The following POFUT2 variants were observed in gnomAD, a reference collection of about 807,000 sequenced individuals.
The protein encoded by POFUT2 is protein O-fucosyltransferase 2, also known as GDP-fucose protein O-fucosyltransferase 2.
POFUT2 carries 30 observed loss-of-function variants against 55.0 expected under a neutral mutation model. That is an observed-to-expected ratio of 0.55 (90% CI 0.41 to 0.74). The LOEUF is 0.74. Among genes scored for constraint, POFUT2 ranks in the 30% least tolerant of loss-of-function variants. The pLI is 0.00. For missense variants in POFUT2, 524 were observed against 562.6 expected (o/e 0.93, Z 0.69); for synonymous variants, 267 against 231.1 (o/e 1.16, Z -1.41).
intron 8 of POFUT2, chr21:45,266,520 A>G: frequency 9.2e-7 from 1 of 1,084,612 alleles, no homozygotes; most frequent in Non-Finnish European, 1.1e-6. Flanking sequence ...GGCTGCGGAG[A>G]CAGCACCGCC....
intron 3 of POFUT2, among the ~76,000 whole-genome samples, chr21:45,283,090 A>G (rs910611672): frequency 1.3e-5 from 2 of 150,992 alleles, no homozygotes; most frequent in African/African-American, 4.9e-5. Context: ...AAGCGCTACC[A>G]CCACAAGGGC....
intron 6 of POFUT2, among the ~76,000 whole-genome samples, chr21:45,274,756 A>G (rs918719292): frequency 2.8e-4 from 43 of 152,190 alleles, no homozygotes; most frequent in Admixed American, 2.0e-4. Context: ...GGCAGCCCAC[A>G]TGTAGAAGAA....
At position 45,267,280 on chromosome 21, in the gene POFUT2, AG is replaced by A. The variant is rs1226343625; in HGVS notation, c.1136+309del. 6.9e-7 allele frequency: 1 copy of A among 1,445,534 alleles called. No homozygotes were observed. The highest frequency in any genetic ancestry group is 9.0e-7 in the Non-Finnish European group (1 of 1,105,632). 89.5% of individuals were successfully genotyped at this position (1,445,534 alleles called of 1,614,324 possible). On this transcript the variant is annotated intron_variant, in intron 8 of 8. Coordinates refer to ENST00000349485, the MANE Select transcript of POFUT2 (RefSeq NM_133635.6). This position sits in a 1 kb window ranked among gnomAD's most constrained non-coding sequence, Gnocchi z 4.4. ...GCAACTCTCAGGGCAGGGGGCAGAC[AG>A]GGGCAGAAACCGGGAATGATGGGAA...
chr21:45,266,113 T>C, intron 8 of POFUT2: 1 of 1,357,094 alleles, frequency 7.4e-7, no homozygotes, highest in African/African-American at 1.5e-5. Context: ...ACACGCTGTA[T>C]GGGCTGGTGG....
rs767430817 is a variant in POFUT2, at chr21:45,265,506, G to T, written c.1266C>A (p.Pro422=). The T allele has an allele frequency of 2.5e-6, 4 of 1,613,744 alleles. No homozygotes were observed. In the East Asian group the frequency reaches 8.9e-5, roughly 36 times the overall value. The part of the protein sequence containing the change: ...CGDQEKACEQ[P]THWKITY Reference sequence around the variant, plus strand: ...CTCAGTAGGTGATCTTCCAGTGGGTGGGTTGCTCACACGCCTTCTCTTGGT... The same window carrying T: ...CTCAGTAGGTGATCTTCCAGTGGGTTGGTTGCTCACACGCCTTCTCTTGGT... Residue 422 remains proline (P), a synonymous_variant, in exon 9 of 9, where the codon CCC becomes CCA. Transcript: ENST00000349485. This position sits in a 1 kb window ranked among gnomAD's most constrained non-coding sequence, Gnocchi z 4.6.
intron 4 of POFUT2, among the ~76,000 whole-genome samples, chr21:45,280,438 C>T (rs112272400): frequency 0.019 from 2,945 of 152,274 alleles, 94 homozygotes; most frequent in African/African-American, 0.067. Flanking sequence ...AGGCTATGAA[C>T]GTTCCTGGGC....
intron 6 of POFUT2, among the ~76,000 whole-genome samples, chr21:45,271,777 G>T (rs1290469260): frequency 6.6e-6 from 1 of 152,158 alleles, no homozygotes. Flanking sequence ...TATCAGCCAA[G>T]AATTTTATAT....
Position 45,277,470 on chromosome 21 carries a change from A to G in POFUT2, c.706-328T>C, listed in dbSNP as rs1365605727. 10 of 343,524 alleles carry G rather than the reference A, an allele frequency of 2.9e-5. No homozygotes were observed. Among genetic ancestry groups the G allele is most frequent in the Admixed American group, 4.5e-5 (1 of 22,280 alleles). 21.3% of individuals were successfully genotyped at this position (343,524 alleles called of 1,614,324 possible). On this transcript the variant is annotated intron_variant, in intron 5 of 8. Coordinates refer to ENST00000349485, the MANE Select transcript of POFUT2 (RefSeq NM_133635.6). This position sits in a 1 kb window ranked among gnomAD's most constrained non-coding sequence, Gnocchi z 6.9. ...AGCTCCTTCCCCTCAGTCTCTCCCC[A>G]ACTCGACTTCTAGCTTAGGCGGTTA...
intron 1 of POFUT2, among the ~76,000 whole-genome samples, 165 bp from the exon 2 acceptor site, chr21:45,286,093 C>G (rs191821660): frequency 1.1e-4 from 17 of 152,272 alleles, no homozygotes; most frequent in African/African-American, 3.4e-4. Flanking sequence ...CAGTTACTTA[C>G]GGAGCCTGTA....
rs1465129077 is a variant in POFUT2, at chr21:45,285,010, A to G, written c.382+668T>C. 6.6e-6 allele frequency among the ~76,000 whole-genome samples: 1 copy of G among 152,198 alleles called. No individual in the cohort carries two copies. Among genetic ancestry groups the G allele is most frequent in the Non-Finnish European group, 1.5e-5 (1 of 68,032 alleles). ...TGACACGGGAGCCACACTCCTTGGC[A>G]GGGAGCAAAGGTCTCTAAGCCCCGA... On this transcript the variant is annotated intron_variant, in intron 2 of 8. Coordinates refer to ENST00000349485, the MANE Select transcript of POFUT2 (RefSeq NM_133635.6). This position sits in a 1 kb window ranked among gnomAD's most constrained non-coding sequence, Gnocchi z 4.9.
chr21:45,266,241 C>G (rs752434085), intron 8 of POFUT2: 1 of 1,367,638 alleles, frequency 7.3e-7, no homozygotes, highest in Non-Finnish European at 9.8e-7. Context: ...CGTGAACAAG[C>G]AAACCCCAGA....
chr21:45,271,688 T>A (rs1017903737), intron 6 of POFUT2, among the ~76,000 whole-genome samples: 6 of 152,250 alleles, frequency 3.9e-5, no homozygotes, highest in African/African-American at 1.4e-4. Context: ...CCTATCAGAT[T>A]CACAGCAGAT....
intron 1 of POFUT2, 122 bp from the exon 2 acceptor site, chr21:45,286,050 G>A (rs971306805): frequency 1.2e-5 from 10 of 808,142 alleles, no homozygotes; most frequent in Non-Finnish European, 2.0e-5. Flanking sequence ...TTCCTAGTTT[G>A]TGAAGGCAGT....
intron 6 of POFUT2, among the ~76,000 whole-genome samples, chr21:45,275,619 G>T (rs1003504901): frequency 6.6e-6 from 1 of 152,222 alleles, no homozygotes; most frequent in African/African-American, 2.4e-5. Flanking sequence ...TGGAGCTGGA[G>T]ACCATTATTC....
At chr21:45,280,357 C>T (rs1199210797) in intron 4 of POFUT2, among the ~76,000 whole-genome samples, 3 of 152,178 alleles carry the variant, frequency 2.0e-5, no homozygotes, top group Admixed American at 2.0e-4. Flanking sequence ...GGTTGCCCAT[C>T]TTCAGCTGTG....
intron 4 of POFUT2, among the ~76,000 whole-genome samples, chr21:45,279,349 C>G (rs536699076): frequency 1.3e-5 from 2 of 152,106 alleles, no homozygotes; most frequent in Admixed American, 1.3e-4. Flanking sequence ...GAGCCGAGAT[C>G]GCGCCACTGC....
rs1375284050 is a variant in POFUT2 at position 45,285,453 on chromosome 21, G to T, written c.382+225C>A. 1 of 602,866 alleles carries T rather than the reference G, an allele frequency of 1.7e-6. No individual in the cohort carries two copies. The highest frequency in any genetic ancestry group is 3.1e-6 in the Non-Finnish European group (1 of 326,412). 37.3% of individuals were successfully genotyped at this position (602,866 alleles called of 1,614,324 possible). Reference sequence around the variant, plus strand: ...GGGGCACAAAGCTCATCCACTTCAGGTCCATTTCCGAGAAACATTTTGGGA... The same window carrying T: ...GGGGCACAAAGCTCATCCACTTCAGTTCCATTTCCGAGAAACATTTTGGGA... On this transcript the variant is annotated intron_variant, in intron 2 of 8. Transcript: ENST00000349485. The surrounding 1 kb of genome is among the most constrained non-coding windows in gnomAD (Gnocchi z 4.9).
rs767222140 is a variant in POFUT2, at chr21:45,284,538, C to G, written c.383-1011G>C. 2.6e-5 allele frequency among the ~76,000 whole-genome samples: 4 copies of G among 152,186 alleles called. No homozygotes were observed. Among genetic ancestry groups the G allele is most frequent in the Non-Finnish European group, 5.9e-5 (4 of 68,034 alleles). ...CCCAGGCTGGTGGATGGCAGGTAAG[C>G]GTGAGACCAGCATATGTGCCTCAGA... On this transcript the variant is annotated intron_variant, in intron 2 of 8. Coordinates refer to ENST00000349485, the MANE Select transcript of POFUT2 (RefSeq NM_133635.6). This position sits in a 1 kb window ranked among gnomAD's most constrained non-coding sequence, Gnocchi z 5.8.
chr21:45,267,494 C>G lies in POFUT2; in HGVS notation c.1136+96G>C, dbSNP rs769310001. 5 of 1,614,182 alleles carry G rather than the reference C, an allele frequency of 3.1e-6. No homozygotes were observed. The South Asian group carries it at 4.4e-5, about 14-fold the overall frequency. ...AGTATGGAAATGACCACTGTGAACACAGGCGACCATCTGCTCTGACACCGA... is the reference window on the plus strand; with the variant it reads ...AGTATGGAAATGACCACTGTGAACAGAGGCGACCATCTGCTCTGACACCGA... On this transcript the variant is annotated intron_variant, in intron 8 of 8. Transcript: ENST00000349485. The surrounding 1 kb of genome is among the most constrained non-coding windows in gnomAD (Gnocchi z 4.4).
Sources: gnomAD v4.1 joint callset for allele counts (sites outside exome capture counted in the v4.1 genomes callset) on GRCh38, gnomAD v4.1.1 for gene constraint, Gnocchi (gnomAD v3.1) non-coding constraint, MANE v1.5 for transcripts, NCBI Gene and HGNC (gene_info 2026-07-23, HGNC 2026-07-21) for gene names.